IHO1: variants seen among roughly 807,000 people sequenced by gnomAD.
IHO1 encodes the protein interactor of HORMAD1 protein 1.
In IHO1, 13 loss-of-function variants were observed where a neutral mutation model predicts 31.0. That is an observed-to-expected ratio of 0.42 (90% CI 0.27 to 0.67). IHO1 has a LOEUF of 0.67. Among genes scored for constraint, IHO1 ranks in the 30% least tolerant of loss-of-function variants. The probability of loss-of-function intolerance (pLI) is 0.24; values close to 1 mark genes in which losing one functional copy is unlikely to be tolerated. For synonymous variants in IHO1, 221 were observed against 248.4 expected (o/e 0.89, Z 1.04); for missense variants, 599 against 687.5 (o/e 0.87, Z 1.44).
intron 2 of IHO1, among the ~76,000 whole-genome samples, chr3:49,233,746 A>G (rs553613292): frequency 1.5e-4 from 23 of 152,356 alleles, no homozygotes; most frequent in Non-Finnish European, 2.5e-4. Flanking sequence ...CTGGCCATAA[A>G]CAAAATCTCT....
chr3:49,197,872 C>T (rs941329849), upstream of IHO1, among the ~76,000 whole-genome samples: 3 of 149,694 alleles, frequency 2.0e-5, no homozygotes, highest in Non-Finnish European at 4.4e-5. Flanking sequence ...GAGAGTGAAA[C>T]TCCATCTCAA....
intron 2 of IHO1, among the ~76,000 whole-genome samples, chr3:49,231,612 A>G (rs1034296728): frequency 6.6e-6 from 1 of 152,238 alleles, no homozygotes; most frequent in Non-Finnish European, 1.5e-5. Flanking sequence ...TTTCATACAG[A>G]TGAACAACTG....
chr3:49,243,469 C>T (rs904753944), intron 4 of IHO1, among the ~76,000 whole-genome samples: 1 of 151,752 alleles, frequency 6.6e-6, no homozygotes, highest in African/African-American at 2.4e-5. Flanking sequence ...TTTTTAAGAA[C>T]TGGATGTGGC....
intron 2 of IHO1, among the ~76,000 whole-genome samples, chr3:49,216,958 A>G (rs2107693350): frequency 1.3e-5 from 2 of 152,388 alleles, no homozygotes; most frequent in South Asian, 4.1e-4. Flanking sequence ...CAAGCCAGTT[A>G]GAATGGCGAT....
chr3:49,239,391 C>T (rs1457685105), intron 3 of IHO1, among the ~76,000 whole-genome samples: 1 of 151,976 alleles, frequency 6.6e-6, no homozygotes, highest in Non-Finnish European at 1.5e-5. Context: ...AAGCGATTCT[C>T]CTGCCTCAGT....
At chr3:49,244,777 A>G in intron 6 of IHO1, 44 bp downstream of exon 6, 1 of 1,509,468 alleles carries the variant, frequency 6.6e-7, no homozygotes, top group Non-Finnish European at 9.2e-7. Context: ...GCACTGGTGA[A>G]TGATGAACAT....
chr3:49,244,690 A>G lies in IHO1; in HGVS notation c.489A>G (p.Arg163=). Residue 163 remains arginine, a synonymous_variant, in exon 6 of 8, where the codon AGA becomes AGG. Transcript: ENST00000452691. ...VEKSEDHLSS[R]SQSILDSLET... ...AGTCTGAGGACCATCTCAGTTCAAG[A>G]AGCCAATCTATTTTGGATTCTTTGG... 1.9e-6 allele frequency: 3 copies of G among 1,614,178 alleles called. No individual in the cohort carries two copies. The highest frequency in any genetic ancestry group is 2.5e-6 in the Non-Finnish European group (3 of 1,180,018).
intron 1 of IHO1, among the ~76,000 whole-genome samples, chr3:49,207,609 C>G (rs746191855): frequency 4.5e-4 from 68 of 151,996 alleles, no homozygotes; most frequent in Non-Finnish European, 7.5e-4. Flanking sequence ...ACCAGGTATT[C>G]TGCAATATAA....
At chr3:49,243,757 C>CAAAAAAA (rs1158612762) in intron 4 of IHO1, among the ~76,000 whole-genome samples, 1 of 44,584 alleles carries the variant, frequency 2.2e-5, no homozygotes, top group African/African-American at 8.6e-5. Context: ...GACTCTGTCT[C>CAAAAAAA]AAAAAAAAAA....
chr3:49,222,602 A>G (rs1432103022), intron 2 of IHO1, among the ~76,000 whole-genome samples: 1 of 152,230 alleles, frequency 6.6e-6, no homozygotes, highest in Non-Finnish European at 1.5e-5. Context: ...CTGCTTAATA[A>G]TATTATGAAA....
chr3:49,240,909 T>C (rs1446775684), intron 3 of IHO1, among the ~76,000 whole-genome samples: 1 of 152,210 alleles, frequency 6.6e-6, no homozygotes, highest in Non-Finnish European at 1.5e-5. Context: ...ATGAAAACTT[T>C]AACACATCAT....
intron 2 of IHO1, among the ~76,000 whole-genome samples, chr3:49,218,734 A>T (rs1193198541): frequency 6.6e-6 from 1 of 152,162 alleles, no homozygotes; most frequent in Non-Finnish European, 1.5e-5. Context: ...GAACTTACAC[A>T]AACAGGTTAT....
chr3:49,220,496 C>T (rs1263082095), intron 2 of IHO1, among the ~76,000 whole-genome samples: 2 of 152,202 alleles, frequency 1.3e-5, no homozygotes, highest in Non-Finnish European at 2.9e-5. Flanking sequence ...GAGTTTCTTC[C>T]TTCCAGTGGA....
chr3:49,214,558 A>AAT, intron 2 of IHO1, among the ~76,000 whole-genome samples: 1 of 137,406 alleles, frequency 7.3e-6, no homozygotes, highest in East Asian at 2.2e-4. Context: ...AAAAAAAAAA[A>AAT]TGCTTACAGT....
chr3:49,234,588 C>T (rs2046530739), intron 2 of IHO1, among the ~76,000 whole-genome samples: 1 of 152,124 alleles, frequency 6.6e-6, no homozygotes, highest in Non-Finnish European at 1.5e-5. Context: ...AATACTATCA[C>T]ATCAGGGTTG....
chr3:49,192,061 G>A, the IHO1 span, among the ~76,000 whole-genome samples: 2 of 152,202 alleles, frequency 1.3e-5, no homozygotes, highest in Admixed American at 6.5e-5. Flanking sequence ...TGGATTCGCA[G>A]CCAATGAAAT....
At chr3:49,224,014 G>T (rs1458739357) in intron 2 of IHO1, among the ~76,000 whole-genome samples, 1 of 152,210 alleles carries the variant, frequency 6.6e-6, no homozygotes, top group Non-Finnish European at 1.5e-5. Context: ...GGATGGCCCG[G>T]AAGAGATTTG....
At chr3:49,201,226 C>T (rs1465520708) in intron 1 of IHO1, among the ~76,000 whole-genome samples, 1 of 151,870 alleles carries the variant, frequency 6.6e-6, no homozygotes, top group Non-Finnish European at 1.5e-5. Flanking sequence ...ATCTCCTGAC[C>T]TCGTGATCCG....
intron 2 of IHO1, among the ~76,000 whole-genome samples, chr3:49,220,200 G>T (rs2046337072): frequency 6.6e-6 from 1 of 152,198 alleles, no homozygotes; most frequent in Non-Finnish European, 1.5e-5. Flanking sequence ...AGCTACATTT[G>T]AGCCTTTTCC....
Sources: allele counts gnomAD v4.1 joint callset (sites outside exome capture counted in the v4.1 genomes callset), GRCh38; gene constraint gnomAD v4.1.1; transcripts MANE v1.5; gene names NCBI Gene and HGNC (gene_info 2026-07-23, HGNC 2026-07-21).